The following OTUB2 variants were observed in gnomAD, a reference collection of about 807,000 sequenced individuals.
OTUB2 encodes the protein ubiquitin thioesterase OTUB2.
In OTUB2, 21 loss-of-function variants were observed where a neutral mutation model predicts 25.1. The observed-to-expected ratio is 0.84, with a 90% CI of 0.59 to 1.21. OTUB2 has a LOEUF of 1.21. Ranked by LOEUF, OTUB2 falls within the 50% of genes most tolerant of loss-of-function variation. OTUB2 has a pLI of 0.00. For missense variants in OTUB2, 283 were observed against 298.0 expected, an observed-to-expected ratio of 0.95 and a Z score of 0.37; for synonymous variants, 122 against 122.8, an observed-to-expected ratio of 0.99 and a Z score of 0.04.
In OTUB2 at chr14:94,026,556, G is replaced by T; in HGVS notation, c.3+16G>T. 1 of 1,243,562 alleles carries T rather than the reference G, an allele frequency of 8.0e-7. No homozygotes were observed. The highest frequency in any genetic ancestry group is 1.0e-6 in the Non-Finnish European group (1 of 989,794). 77.0% of individuals were successfully genotyped at this position (1,243,562 alleles called of 1,614,324 possible). On this transcript the variant is annotated intron_variant, in intron 1 of 5. Coordinates refer to ENST00000203664, the MANE Select transcript of OTUB2 (RefSeq NM_023112.4). Reference sequence around the variant, plus strand: ...GGTCACTATGGTCAGTGATCGTGGGGGATCGCGAAGGGGGAGCGGGCAGGG... The same window carrying T: ...GGTCACTATGGTCAGTGATCGTGGGTGATCGCGAAGGGGGAGCGGGCAGGG...
rs1885269187 is a variant in OTUB2 at position 94,045,988 on chromosome 14, G to T, written c.*66G>T. On this transcript the variant is annotated 3_prime_UTR_variant, in exon 6 of 6. Coordinates refer to ENST00000203664, the MANE Select transcript of OTUB2 (RefSeq NM_023112.4). ...ACTGCATTCTGAATGGAACATTCCG[G>T]CTCTTCAATTTTTTAAGCAATTTAG... The T allele has an allele frequency of 3.9e-6, 6 of 1,537,946 alleles. No individual in the cohort carries two copies. The highest frequency in any genetic ancestry group is 1.7e-4 in the Middle Eastern group (1 of 5,948).
intron 1 of OTUB2, among the ~76,000 whole-genome samples, chr14:94,036,558 G>A (rs758652903): frequency 1.3e-5 from 2 of 152,122 alleles, no homozygotes; most frequent in Non-Finnish European, 2.9e-5. Flanking sequence ...GGCCCACGGG[G>A]AGTTGGCTGC....
chr14:94,034,215 C>T (rs1209312476), intron 1 of OTUB2, among the ~76,000 whole-genome samples: 2 of 152,214 alleles, frequency 1.3e-5, no homozygotes, highest in Non-Finnish European at 2.9e-5. Context: ...TGGATATTGC[C>T]TGTAAATCGT....
At chr14:94,044,909 G>C in intron 5 of OTUB2, 129 bp downstream of exon 5, 1 of 1,005,918 alleles carries the variant, frequency 9.9e-7, no homozygotes, top group South Asian at 1.7e-5. Context: ...AACAGAGCTA[G>C]GTCAGCAAGC....
chr14:94,044,901 C>A, intron 5 of OTUB2, 121 bp downstream of exon 5: 1 of 1,070,992 alleles, frequency 9.3e-7, no homozygotes, highest in Non-Finnish European at 1.3e-6. Context: ...GCAATTCAAA[C>A]AGAGCTAGGT....
chr14:94,029,467 T>C (rs1884919537), intron 1 of OTUB2, among the ~76,000 whole-genome samples: 1 of 152,174 alleles, frequency 6.6e-6, no homozygotes, highest in Admixed American at 6.5e-5. Flanking sequence ...CTCCTTGGCT[T>C]GTGGTTGCAG....
rs1884889411 is a variant in OTUB2, at chr14:94,027,640, A to G, written c.3+1100A>G. ...CACAGATGCCTGGTTCTTCAAGCTT[A>G]GCCTCCTCTCTCCTATGACTGGGCA... On this transcript the variant is annotated intron_variant, in intron 1 of 5. Coordinates refer to ENST00000203664, the MANE Select transcript of OTUB2 (RefSeq NM_023112.4). 2.0e-5 allele frequency among the ~76,000 whole-genome samples: 3 copies of G among 152,346 alleles called. No individual in the cohort carries two copies. The South Asian group carries it at 6.2e-4, about 32-fold the overall frequency.
rs563633410 is a variant in OTUB2 at position 94,048,368 on chromosome 14, A to G, written c.*2446A>G. 10 of 152,356 alleles carry G rather than the reference A, an allele frequency of 6.6e-5. No individual in the cohort carries two copies. The highest frequency in any genetic ancestry group is 4.6e-4 in the Admixed American group (7 of 15,306). 9.4% of individuals were successfully genotyped at this position (152,356 alleles called of 1,614,324 possible). ...ATCAATGGGAACAATTAGCAACAGAAAGAGCACAGTCCCTGCTTTTGACTG... is the reference window on the plus strand; with the variant it reads ...ATCAATGGGAACAATTAGCAACAGAGAGAGCACAGTCCCTGCTTTTGACTG... On this transcript the variant is annotated 3_prime_UTR_variant, in exon 6 of 6. Coordinates refer to ENST00000203664, the MANE Select transcript of OTUB2 (RefSeq NM_023112.4).
intron 2 of OTUB2, among the ~76,000 whole-genome samples, chr14:94,037,919 G>A (rs879531095): frequency 2.0e-5 from 3 of 152,340 alleles, no homozygotes; most frequent in Admixed American, 2.0e-4. Context: ...ACGCCAGTGA[G>A]GCTAAAGGGA....
chr14:94,043,943 G>C (rs1320593970), intron 3 of OTUB2, 28 bp from the exon 4 acceptor site: 1 of 1,602,456 alleles, frequency 6.2e-7, no homozygotes, highest in South Asian at 1.1e-5. Flanking sequence ...GTGTTTCCCT[G>C]TAAACACTCA....
chr14:94,036,694 G>A (rs1885060616), intron 1 of OTUB2, among the ~76,000 whole-genome samples: 1 of 152,096 alleles, frequency 6.6e-6, no homozygotes, highest in African/African-American at 2.4e-5. Context: ...TTTCTGGGTT[G>A]GAATTGACCT....
chr14:94,027,039 G>C (rs1219565532), intron 1 of OTUB2, among the ~76,000 whole-genome samples: 2 of 152,252 alleles, frequency 1.3e-5, no homozygotes, highest in Non-Finnish European at 2.9e-5. Context: ...TGGGCGACTA[G>C]ACCGTCTCCA....
At position 94,045,762 on chromosome 14, in the gene OTUB2, C is replaced by T. The variant is rs746431047; in HGVS notation, c.545C>T (p.Ala182Val). 21 of 1,614,212 alleles carry T rather than the reference C, an allele frequency of 1.3e-5. No individual in the cohort carries two copies. Among genetic ancestry groups the T allele is most frequent in the South Asian group, 1.2e-4 (11 of 91,088 alleles). The change falls in exon 6 of 6, where the codon GCG becomes GTG. Residue 182 changes from alanine (A) to valine (V), a missense_variant. Coordinates refer to ENST00000203664, the MANE Select transcript of OTUB2 (RefSeq NM_023112.4). ...ATECDHIQITALSQALSIALQ... is the reference protein window; with the variant it reads ...ATECDHIQITVLSQALSIALQ... ...GAGTGTGACCACATCCAGATCACGG[C>T]GTTGTCGCAGGCCCTGAGCATTGCC...
In OTUB2 at chr14:94,026,443, G is replaced by C; in HGVS notation, c.-95G>C. The C allele has an allele frequency of 1.5e-6, 2 of 1,309,714 alleles. No individual in the cohort carries two copies. The highest frequency in any genetic ancestry group is 3.9e-5 in the Admixed American group (1 of 25,606). 81.1% of individuals were successfully genotyped at this position (1,309,714 alleles called of 1,614,324 possible). ...CCACGCCCTCGAGGTCCCCGCCACC[G>C]AACCAGCGGCGGAGCCCGCCCGCGC... On this transcript the variant is annotated 5_prime_UTR_variant, in exon 1 of 6. Transcript: ENST00000203664.
Position 94,045,910 on chromosome 14 carries a change from C to T in OTUB2, c.693C>T (p.Ala231=), listed in dbSNP as rs181098673. 67 of 1,614,084 alleles carry T rather than the reference C, an allele frequency of 4.2e-5. No homozygotes were observed. The highest frequency in any genetic ancestry group is 1.3e-4 in the South Asian group (12 of 91,076). The stretch of plus-strand genomic sequence containing the variant: ...CCCACTACAACATCCTTTATGCAGC[C>T]GATAAACATTGATTAATTTTAGGCC... ...KTSHYNILYA[A]DKH is the part of the protein sequence containing the mutation. Residue 231 remains alanine (A), a synonymous_variant, in exon 6 of 6, where the codon GCC becomes GCT. Coordinates refer to ENST00000203664, the MANE Select transcript of OTUB2 (RefSeq NM_023112.4).
chr14:94,039,204 C>T (rs1248917352), intron 3 of OTUB2, 123 bp downstream of exon 3: 16 of 771,230 alleles, frequency 2.1e-5, no homozygotes, highest in Non-Finnish European at 3.3e-5. Flanking sequence ...GAAGAGCTGC[C>T]TGGCAGAGGC....
At chr14:94,033,054 G>A (rs1337593393) in intron 1 of OTUB2, among the ~76,000 whole-genome samples, 1 of 152,190 alleles carries the variant, frequency 6.6e-6, no homozygotes, top group Non-Finnish European at 1.5e-5. Flanking sequence ...TGGGACTACA[G>A]GTGCCCACCA....
At chr14:94,037,498 G>A in intron 2 of OTUB2, 23 bp downstream of exon 2, 1 of 1,532,138 alleles carries the variant, frequency 6.5e-7, no homozygotes, top group Non-Finnish European at 9.0e-7. Context: ...GCAGGGAGAA[G>A]AGCATCCGAA....
chr14:94,043,842 C>A (rs1020607468), intron 3 of OTUB2, 129 bp from the exon 4 acceptor site: 4 of 798,718 alleles, frequency 5.0e-6, no homozygotes, highest in South Asian at 3.0e-5. Context: ...GGGGCAGGGG[C>A]GGGAGGTTCT....
Sources: allele counts gnomAD v4.1 joint callset (sites outside exome capture counted in the v4.1 genomes callset), GRCh38; gene constraint gnomAD v4.1.1; transcripts MANE v1.5; gene names NCBI Gene and HGNC (gene_info 2026-07-23, HGNC 2026-07-21).